Variants in KLF8 observed in about 807,000 individuals in gnomAD.
KLF8 encodes the protein Krueppel-like factor 8.
In KLF8, 10 loss-of-function variants were observed where a neutral mutation model predicts 18.2. The ratio of observed to expected loss-of-function variants is 0.55; its 90% CI spans 0.34 to 0.93. The LOEUF is 0.93. KLF8 is among the 40% of genes least tolerant of loss of function. KLF8 has a pLI of 0.02. For missense variants in KLF8, 264 were observed against 277.9 expected (o/e 0.95, Z 0.36); for synonymous variants, 109 against 97.3 (o/e 1.12, Z -0.71).
the KLF8 span, among the ~76,000 whole-genome samples, chrX:56,050,257 CT>C: frequency 9.0e-6 from 1 of 111,428 alleles, no homozygotes; most frequent in Admixed American, 9.5e-5. Flanking sequence ...TTTTTTGTGT[CT>C]CTATTTCCTT....
the KLF8 span, among the ~76,000 whole-genome samples, chrX:55,945,179 C>T: frequency 9.0e-6 from 1 of 111,094 alleles, no homozygotes; most frequent in Non-Finnish European, 1.9e-5. Context: ...GGTTTGATTG[C>T]ACTGTGGTCT....
the KLF8 span, among the ~76,000 whole-genome samples, chrX:56,191,027 G>T: frequency 9.9e-5 from 11 of 111,160 alleles, no homozygotes; most frequent in Non-Finnish European, 3.8e-5. Context: ...CACAAAAATT[G>T]GTTTTTTGAA....
chrX:56,129,231 C>G, the KLF8 span, among the ~76,000 whole-genome samples: 1 of 112,354 alleles, frequency 8.9e-6, no homozygotes, highest in East Asian at 2.8e-4. Flanking sequence ...ACATCATGAA[C>G]TTTCACTCAA....
the KLF8 span, among the ~76,000 whole-genome samples, chrX:55,988,051 T>C: frequency 8.9e-6 from 1 of 112,181 alleles, no homozygotes; most frequent in Non-Finnish European, 1.9e-5. Context: ...CGGGGTTCTT[T>C]GTTTTTTTCT....
At chrX:56,070,855 A>C in the KLF8 span, among the ~76,000 whole-genome samples, 1 of 112,772 alleles carries the variant, frequency 8.9e-6, no homozygotes, top group Non-Finnish European at 1.9e-5. Context: ...TGGCTAAGTA[A>C]ATATAAGGTA....
the KLF8 span, among the ~76,000 whole-genome samples, chrX:56,000,492 AT>A: frequency 2.0e-3 from 36 of 17,949 alleles, no homozygotes; most frequent in Non-Finnish European, 5.4e-3. Flanking sequence ...GGGGGGAGGG[AT>A]TTTTTTTTAT....
At chrX:55,986,950 T>G in the KLF8 span, among the ~76,000 whole-genome samples, 1 of 111,733 alleles carries the variant, frequency 8.9e-6, no homozygotes, top group Non-Finnish European at 1.9e-5. Context: ...GCAAGGGGCA[T>G]GATTTTGTTC....
the KLF8 span, among the ~76,000 whole-genome samples, chrX:56,165,341 A>G: frequency 6.9e-4 from 77 of 112,313 alleles, no homozygotes; most frequent in African/African-American, 2.3e-3. Flanking sequence ...CTCTGCAAAA[A>G]CATGGCTAGA....
the KLF8 span, among the ~76,000 whole-genome samples, chrX:55,909,582 A>T: frequency 1.8e-5 from 2 of 112,509 alleles, no homozygotes; most frequent in Non-Finnish European, 3.8e-5. Context: ...TTCCCAGGAT[A>T]TGGAGACAAA....
At chrX:56,054,913 CT>C in the KLF8 span, among the ~76,000 whole-genome samples, 1 of 111,240 alleles carries the variant, frequency 9.0e-6, no homozygotes, top group Non-Finnish European at 1.9e-5. Flanking sequence ...TTTGTGCTTT[CT>C]TTTTTTTCCA....
the KLF8 span, among the ~76,000 whole-genome samples, chrX:56,140,486 A>G: frequency 9.0e-6 from 1 of 111,562 alleles, no homozygotes; most frequent in African/African-American, 3.3e-5. Flanking sequence ...AGACATTATA[A>G]AAAGGTAATT....
the KLF8 span, among the ~76,000 whole-genome samples, chrX:56,066,365 C>T: frequency 8.9e-6 from 1 of 112,237 alleles, no homozygotes; most frequent in African/African-American, 3.2e-5. Flanking sequence ...TGGGCCTGCT[C>T]TCAGGCCCCT....
Position 56,265,469 on chromosome X carries a change from C to T in KLF8, c.371C>T (p.Thr124Met), listed in dbSNP as rs143280924. The T allele has an allele frequency of 7.7e-5, 93 of 1,210,272 alleles. No homozygotes were observed. The highest frequency in any genetic ancestry group is 9.9e-5 in the Non-Finnish European group (89 of 895,206). The change falls in exon 3 of 6, where the codon ACG (threonine) becomes ATG (methionine). Residue 124 changes from threonine to methionine, a missense_variant. By Grantham distance (81) the Thr-to-Met change is moderately conservative. Around this residue, in one of 2 missense-constraint regions of KLF8, gnomAD observed 221 missense variants for 193.6 expected, o/e 1.14. Transcript: ENST00000468660. ...QSSPQTLVVSTSTSDMSTSAN... is the reference protein window; with the variant it reads ...QSSPQTLVVSMSTSDMSTSAN... ...TCTCCCCAGACCCTTGTGGTGTCCA[C>T]GTCAACATCTGACATGAGCACTTCA...
At chrX:55,974,537 CACT>C in the KLF8 span, among the ~76,000 whole-genome samples, 1 of 111,788 alleles carries the variant, frequency 8.9e-6, no homozygotes, top group Admixed American at 9.5e-5. Flanking sequence ...AGATTGAATA[CACT>C]GTGTTTGGTC....
the KLF8 span, among the ~76,000 whole-genome samples, chrX:56,152,543 T>G: frequency 5.4e-5 from 6 of 111,404 alleles, no homozygotes; most frequent in African/African-American, 1.6e-4. Flanking sequence ...GCAAATACAT[T>G]GTCTCAAAGT....
At chrX:56,067,036 C>G in the KLF8 span, among the ~76,000 whole-genome samples, 1 of 109,527 alleles carries the variant, frequency 9.1e-6, no homozygotes, top group Non-Finnish European at 1.9e-5. Flanking sequence ...AGCAGACTAC[C>G]TTGCTTCTCT....
At chrX:56,256,112 G>A (rs2066791446) in intron 2 of KLF8, among the ~76,000 whole-genome samples, 1 of 111,139 alleles carries the variant, frequency 9.0e-6, no homozygotes, top group African/African-American at 3.3e-5. Context: ...ATCTTGGTAG[G>A]TTATATGTGT....
At chrX:56,065,250 A>G in the KLF8 span, among the ~76,000 whole-genome samples, 1 of 111,674 alleles carries the variant, frequency 9.0e-6, no homozygotes, top group Non-Finnish European at 1.9e-5. Context: ...ATGGTGTCCC[A>G]TATGTCCTGT....
chrX:55,933,658 G>A, the KLF8 span, among the ~76,000 whole-genome samples: 1 of 111,731 alleles, frequency 9.0e-6, no homozygotes, highest in African/African-American at 3.2e-5. Context: ...TTTTTATACA[G>A]TACAGTTTTC....
Sources: gnomAD v4.1 joint callset for allele counts (sites outside exome capture counted in the v4.1 genomes callset) on GRCh38, gnomAD v4.1.1 for gene constraint, gnomAD v4.1.1 regional missense constraint, MANE v1.5 for transcripts, NCBI Gene and HGNC (gene_info 2026-07-23, HGNC 2026-07-21) for gene names.